KALRN: variants seen among roughly 807,000 people sequenced by gnomAD.
KALRN encodes the protein kalirin.
In KALRN, 70 loss-of-function variants were observed where a neutral mutation model predicts 353.7. That is an observed-to-expected ratio of 0.20 (90% CI 0.16 to 0.24). The LOEUF (loss-of-function observed/expected upper bound fraction) is 0.24, where lower values mean the gene tolerates loss of function less well. Among genes scored for constraint, KALRN ranks in the 10% least tolerant of loss-of-function variants. KALRN has a pLI of 1.00. For missense variants in KALRN, 2,791 were observed against 3,756.7 expected (o/e 0.74, Z 6.72); for synonymous variants, 1,391 against 1,434.8 (o/e 0.97, Z 0.69).
chr3:124,633,466 C>T (rs770688496), intron 35 of KALRN, among the ~76,000 whole-genome samples: 12 of 152,362 alleles, frequency 7.9e-5, no homozygotes, highest in Non-Finnish European at 1.0e-4. Flanking sequence ...TGATTTTATG[C>T]TACCTGCCAT....
Position 124,264,546 on chromosome 3 carries a change from C to A in KALRN, c.312C>A (p.Gly104=), listed in dbSNP as rs2073284384. 6.2e-7 allele frequency: 1 copy of A among 1,614,118 alleles called. No individual in the cohort carries two copies. The highest frequency in any genetic ancestry group is 8.5e-7 in the Non-Finnish European group (1 of 1,179,988). ...TCACTGTCATCATCGACATGCGGGG[C>A]TCCAAGTGGGACCTCATCAAGCCCC... The part of the protein sequence containing the change: ...RGFTVIIDMR[G]SKWDLIKPLL... Residue 104 remains glycine (G), a synonymous_variant, in exon 4 of 60, where the codon GGC becomes GGA. Transcript: ENST00000682506.
chr3:124,089,514 C>T (rs1233137312), intron 1 of KALRN, among the ~76,000 whole-genome samples: 2 of 152,074 alleles, frequency 1.3e-5, no homozygotes, highest in East Asian at 3.9e-4. Flanking sequence ...AGAAATGGCT[C>T]TTGGTGGAAA....
chr3:124,177,787 C>T (rs537843366), intron 1 of KALRN, among the ~76,000 whole-genome samples: 198 of 152,198 alleles, frequency 1.3e-3, no homozygotes, highest in African/African-American at 4.4e-3. Flanking sequence ...TGCTAAAGAT[C>T]GCTGTATTTT....
rs150424544 is a variant in KALRN, at chr3:124,652,663, G to A, written c.5795+1725G>A. On this transcript the variant is annotated intron_variant, in intron 38 of 59. Coordinates refer to ENST00000682506, the MANE Select transcript of KALRN (RefSeq NM_001388419.1). ...ACTATCTCGGCTCACTGCAAGCTCC[G>A]CCTCCCGGGTTCACACCATTCTTCT... Among the ~76,000 whole-genome samples the A allele has an allele frequency of 4.2e-3, 640 of 152,182 alleles. 3 individuals carry two copies. The highest frequency in any genetic ancestry group is 0.014 in the African/African-American group (596 of 41,504).
chr3:124,546,720 T>C (rs893543489), intron 33 of KALRN, among the ~76,000 whole-genome samples: 6 of 152,160 alleles, frequency 3.9e-5, no homozygotes, highest in Admixed American at 1.3e-4. Flanking sequence ...AGGGAGTGTC[T>C]CGGAAGGATC....
In KALRN at chr3:124,441,929, G is replaced by A; in HGVS notation, c.3199-16G>A. 6.5e-7 allele frequency: 1 copy of A among 1,532,552 alleles called. No homozygotes were observed. The highest frequency in any genetic ancestry group is 1.2e-5 in the South Asian group (1 of 83,050). The allele number at this position is 1,532,552 out of a possible 1,614,324, so 94.9% of individuals were successfully genotyped here. A position where few individuals can be genotyped will look rare whatever the true frequency, so the allele number is the denominator to read the frequency against. ...CACCTGCTGGGACAGGGGCCTCACA[G>A]CTTTGTCTTTCGCAGGCCTGCACCC... is the stretch of plus-strand genomic sequence containing the variant. On this transcript the variant is annotated splice_polypyrimidine_tract_variant and intron_variant, in intron 18 of 59. Coordinates refer to ENST00000682506, the MANE Select transcript of KALRN (RefSeq NM_001388419.1).
intron 51 of KALRN, among the ~76,000 whole-genome samples, chr3:124,682,973 G>A (rs1222772401): frequency 6.6e-6 from 1 of 152,088 alleles, no homozygotes; most frequent in Non-Finnish European, 1.5e-5. Context: ...CTGCAGCCAA[G>A]TCTCCTGCTG....
At chr3:124,304,208 A>G (rs935909556) in intron 6 of KALRN, among the ~76,000 whole-genome samples, 35 of 151,958 alleles carry the variant, frequency 2.3e-4, no homozygotes, top group African/African-American at 7.7e-4. Context: ...CATAGCTGCA[A>G]AGTCCCTTAG....
intron 33 of KALRN, among the ~76,000 whole-genome samples, chr3:124,498,425 C>T (rs1467593276): frequency 6.6e-6 from 1 of 152,098 alleles, no homozygotes; most frequent in African/African-American, 2.4e-5. Context: ...TTGCCGTACT[C>T]CTGACATGCA....
intron 34 of KALRN, among the ~76,000 whole-genome samples, chr3:124,587,571 G>A (rs35897732): frequency 0.29 from 44,406 of 152,002 alleles, 7,201 homozygotes; most frequent in Middle Eastern, 0.4. Context: ...TTTAGATAAA[G>A]TACCTGTGTG....
intron 1 of KALRN, chr3:124,094,978 C>A: frequency 7.3e-7 from 1 of 1,364,396 alleles, no homozygotes; most frequent in Non-Finnish European, 1.0e-6. Context: ...AAGAGACATG[C>A]AGAAAGACAC....
At chr3:124,542,539 G>T (rs1235732675) in intron 33 of KALRN, among the ~76,000 whole-genome samples, 1 of 152,146 alleles carries the variant, frequency 6.6e-6, no homozygotes, top group Non-Finnish European at 1.5e-5. Context: ...TGTACCTCTG[G>T]TTTCAGATGA....
intron 9 of KALRN, among the ~76,000 whole-genome samples, chr3:124,336,466 C>T (rs986957197): frequency 3.9e-5 from 6 of 152,012 alleles, no homozygotes; most frequent in African/African-American, 7.2e-5. Context: ...TGATCTGGGC[C>T]GTGAATTGTG....
chr3:124,051,257 T>A (rs1577582446), intron 1 of KALRN, among the ~76,000 whole-genome samples: 1 of 152,176 alleles, frequency 6.6e-6, no homozygotes, highest in Admixed American at 6.5e-5. Context: ...GGAGTGAAGA[T>A]GGATTACATT....
chr3:124,652,968 G>A (rs1439739407), intron 38 of KALRN, among the ~76,000 whole-genome samples: 2 of 152,164 alleles, frequency 1.3e-5, no homozygotes, highest in African/African-American at 2.4e-5. Context: ...AAAGTTTGCT[G>A]TCTCTTTTGC....
chr3:124,349,804 A>G (rs546291656), intron 10 of KALRN, among the ~76,000 whole-genome samples: 36 of 152,180 alleles, frequency 2.4e-4, no homozygotes, highest in African/African-American at 3.6e-4. Flanking sequence ...ACAGGTCCCA[A>G]TGCACCTTAT....
intron 1 of KALRN, among the ~76,000 whole-genome samples, chr3:124,035,495 C>T (rs1283968355): frequency 6.6e-6 from 1 of 152,188 alleles, no homozygotes; most frequent in African/African-American, 2.4e-5. Context: ...AAGTGTGAGC[C>T]TTCCCACCTT....
At chr3:124,611,391 A>G (rs2077953861) in intron 34 of KALRN, among the ~76,000 whole-genome samples, 2 of 152,242 alleles carry the variant, frequency 1.3e-5, no homozygotes, top group Non-Finnish European at 2.9e-5. Context: ...GTAAGGAGGC[A>G]TAGGATGGCC....
chr3:124,664,088 T>C (rs1378688737), intron 45 of KALRN, among the ~76,000 whole-genome samples: 1 of 152,174 alleles, frequency 6.6e-6, no homozygotes, highest in African/African-American at 2.4e-5. Context: ...TTCTTAACCA[T>C]TTTTCTTCCG....
Sources: gnomAD v4.1 joint callset for allele counts (sites outside exome capture counted in the v4.1 genomes callset) on GRCh38, gnomAD v4.1.1 for gene constraint, MANE v1.5 for transcripts, NCBI Gene and HGNC (gene_info 2026-07-23, HGNC 2026-07-21) for gene names.